Variants in ATOSA observed in about 807,000 individuals in gnomAD.
ATOSA encodes the protein atos homolog protein A.
chr15:52,634,538 AG>A, the ATOSA span, among the ~76,000 whole-genome samples: 1 of 151,730 alleles, frequency 6.6e-6, no homozygotes, highest in African/African-American at 2.4e-5. Context: ...TTGTGAGATT[AG>A]ATTTTTTTTT....
At chr15:52,603,611 A>G in the ATOSA span, among the ~76,000 whole-genome samples, 3 of 152,230 alleles carry the variant, frequency 2.0e-5, no homozygotes, top group Non-Finnish European at 4.4e-5. Context: ...TGAATGAAGA[A>G]AATGTAGTAT....
the ATOSA span, chr15:52,651,981 T>C: frequency 6.5e-7 from 1 of 1,532,468 alleles, no homozygotes; most frequent in Non-Finnish European, 8.7e-7. Context: ...GGGATCCAGA[T>C]GTCTGCAGCG....
the ATOSA span, among the ~76,000 whole-genome samples, chr15:52,636,067 TTAAAA>T: frequency 5.4e-4 from 78 of 145,020 alleles, no homozygotes; most frequent in African/African-American, 1.9e-3. Context: ...TTAAATTAAA[TTAAAA>T]TATTAAATTA....
At chr15:52,685,575 A>G in the ATOSA span, among the ~76,000 whole-genome samples, 1 of 152,124 alleles carries the variant, frequency 6.6e-6, no homozygotes, top group Non-Finnish European at 1.5e-5. Context: ...CTGGGACTGA[A>G]AGTACATGCC....
At chr15:52,658,298 C>T in the ATOSA span, 1 of 152,720 alleles carries the variant, frequency 6.5e-6, no homozygotes. Context: ...TAAGGATTCA[C>T]AATGTACAAA....
At chr15:52,697,753 C>G in the ATOSA span, among the ~76,000 whole-genome samples, 1 of 151,218 alleles carries the variant, frequency 6.6e-6, no homozygotes, top group Non-Finnish European at 1.5e-5. Flanking sequence ...GACAACCAGC[C>G]CAATAAAAAA....
At chr15:52,623,686 T>A in the ATOSA span, among the ~76,000 whole-genome samples, 1 of 152,142 alleles carries the variant, frequency 6.6e-6, no homozygotes, top group African/African-American at 2.4e-5. Context: ...AATTTGACAA[T>A]AAGGAAGTCA....
the ATOSA span, among the ~76,000 whole-genome samples, chr15:52,681,820 G>A: frequency 1.3e-5 from 2 of 152,188 alleles, no homozygotes; most frequent in South Asian, 4.1e-4. Context: ...AATGGGTGGT[G>A]TATGATCAAT....
chr15:52,615,376 T>C, the ATOSA span, among the ~76,000 whole-genome samples: 1 of 152,172 alleles, frequency 6.6e-6, no homozygotes, highest in Non-Finnish European at 1.5e-5. Flanking sequence ...TGTTGTACAA[T>C]TTGTTGTACA....
At chr15:52,650,198 T>G in the ATOSA span, among the ~76,000 whole-genome samples, 1 of 152,198 alleles carries the variant, frequency 6.6e-6, no homozygotes, top group South Asian at 2.1e-4. Context: ...CCTCTCTGCC[T>G]GTGTCTGCCT....
the ATOSA span, among the ~76,000 whole-genome samples, chr15:52,688,098 T>C: frequency 2.6e-5 from 4 of 152,236 alleles, no homozygotes; most frequent in Non-Finnish European, 5.9e-5. Context: ...GACCCGTAGA[T>C]TCATAAGATT....
At chr15:52,613,656 C>G in the ATOSA span, 1 of 1,610,320 alleles carries the variant, frequency 6.2e-7, no homozygotes, top group Non-Finnish European at 8.5e-7. Context: ...ACAAAGCATT[C>G]AACACAAGAT....
chr15:52,627,439 G>A, the ATOSA span, among the ~76,000 whole-genome samples: 2 of 152,106 alleles, frequency 1.3e-5, no homozygotes, highest in East Asian at 1.9e-4. Flanking sequence ...TGCCTAGGAC[G>A]CTGCTTGACA....
chr15:52,653,914 A>G, the ATOSA span, among the ~76,000 whole-genome samples: 1 of 152,210 alleles, frequency 6.6e-6, no homozygotes, highest in Non-Finnish European at 1.5e-5. Flanking sequence ...GACTAGTGCA[A>G]GTAGAACATC....
At chr15:52,626,529 G>GAAAAAAA in the ATOSA span, among the ~76,000 whole-genome samples, 2 of 141,680 alleles carry the variant, frequency 1.4e-5, no homozygotes, top group Non-Finnish European at 3.0e-5. Flanking sequence ...AGGGAAAGCT[G>GAAAAAAA]AAAAAAAAAA....
At chr15:52,641,868 A>G in the ATOSA span, among the ~76,000 whole-genome samples, 4 of 152,242 alleles carry the variant, frequency 2.6e-5, no homozygotes, top group Non-Finnish European at 5.9e-5. Flanking sequence ...TAAAGATAAC[A>G]ATCAAGTAGT....
the ATOSA span, chr15:52,651,781 G>T: frequency 3.2e-6 from 4 of 1,266,158 alleles, no homozygotes; most frequent in South Asian, 5.3e-5. Flanking sequence ...AAAAATCCAT[G>T]CAAAGCAAGC....
the ATOSA span, among the ~76,000 whole-genome samples, chr15:52,630,554 G>C: frequency 6.6e-6 from 1 of 152,136 alleles, no homozygotes; most frequent in African/African-American, 2.4e-5. Context: ...ATTGCTAAAG[G>C]TATAGAGCAA....
At chr15:52,596,078 C>T in the ATOSA span, among the ~76,000 whole-genome samples, 1 of 152,074 alleles carries the variant, frequency 6.6e-6, no homozygotes, top group African/African-American at 2.4e-5. Context: ...CACGCAGCTA[C>T]ACTCCAGCCT....
Sources: allele counts gnomAD v4.1 joint callset (sites outside exome capture counted in the v4.1 genomes callset), GRCh38; gene constraint gnomAD v4.1.1; transcripts MANE v1.5; gene names NCBI Gene and HGNC (gene_info 2026-07-23, HGNC 2026-07-21).